The following NRG3 variants were observed in gnomAD, a reference collection of about 807,000 sequenced individuals.
NRG3 encodes the protein pro-neuregulin-3, membrane-bound isoform.
A neutral mutation model predicts 66.9 loss-of-function variants in NRG3; 31 were observed. That is an observed-to-expected ratio of 0.46 (90% confidence interval 0.35 to 0.63). The LOEUF is 0.63. Ranked by LOEUF, NRG3 falls within the 20% of genes least tolerant of loss-of-function variation. The probability of loss-of-function intolerance (pLI) is 0.00; values close to 1 mark genes in which losing one functional copy is unlikely to be tolerated. For missense variants in NRG3, 910 were observed against 878.9 expected (o/e 1.04, Z -0.45); for synonymous variants, 393 against 359.4 (o/e 1.09, Z -1.06).
chr10:82,929,263 G>A (rs761965081), intron 4 of NRG3, among the ~76,000 whole-genome samples: 4 of 152,084 alleles, frequency 2.6e-5, no homozygotes, highest in Non-Finnish European at 4.4e-5. Flanking sequence ...AATATCTTCT[G>A]CTTTGACAAC....
chr10:82,080,012 G>T (rs528019585), intron 1 of NRG3, among the ~76,000 whole-genome samples: 50 of 152,144 alleles, frequency 3.3e-4, no homozygotes, highest in Non-Finnish European at 6.8e-4. Context: ...AGAAAAATCT[G>T]CATGCCTTTT....
intron 2 of NRG3, among the ~76,000 whole-genome samples, chr10:82,702,142 C>T (rs2055929858): frequency 6.6e-6 from 1 of 152,160 alleles, no homozygotes; most frequent in Non-Finnish European, 1.5e-5. Flanking sequence ...ACACGATTGC[C>T]AGGCTGTGAT....
At chr10:82,929,373 C>T (rs4933858) in intron 4 of NRG3, among the ~76,000 whole-genome samples, 57,146 of 151,988 alleles carry the variant, frequency 0.38, 11,180 homozygotes, top group East Asian at 0.63. Context: ...ATGCAAGTAC[C>T]GTTTTACCTT....
chr10:81,985,228 G>C (rs914929980), intron 1 of NRG3, among the ~76,000 whole-genome samples: 5 of 152,162 alleles, frequency 3.3e-5, no homozygotes, highest in African/African-American at 1.2e-4. Context: ...AATACAACTA[G>C]GAAGGGATTT....
At chr10:82,898,490 C>T (rs1843876136) in intron 4 of NRG3, among the ~76,000 whole-genome samples, 1 of 152,074 alleles carries the variant, frequency 6.6e-6, no homozygotes, top group Non-Finnish European at 1.5e-5. Context: ...TCTGACTACA[C>T]AAAAGTAGAT....
intron 1 of NRG3, among the ~76,000 whole-genome samples, chr10:82,026,038 T>A (rs2062286863): frequency 6.6e-6 from 1 of 151,954 alleles, no homozygotes; most frequent in Admixed American, 6.6e-5. Context: ...TTCCAGAAAA[T>A]AATCAAGCCC....
chr10:82,768,941 G>A (rs968492033), intron 3 of NRG3, among the ~76,000 whole-genome samples: 1 of 151,950 alleles, frequency 6.6e-6, no homozygotes, highest in African/African-American at 2.4e-5. Flanking sequence ...TGTTATATGT[G>A]TTCTCTTTCT....
chr10:82,094,867 A>G (rs2066236894), intron 1 of NRG3, among the ~76,000 whole-genome samples: 3 of 152,164 alleles, frequency 2.0e-5, no homozygotes, highest in Non-Finnish European at 4.4e-5. Flanking sequence ...GTATGGAATA[A>G]TAGACACTGG....
At chr10:82,489,977 G>T (rs1187409447) in intron 2 of NRG3, among the ~76,000 whole-genome samples, 1 of 152,132 alleles carries the variant, frequency 6.6e-6, no homozygotes, top group African/African-American at 2.4e-5. Flanking sequence ...GAAAGATAGG[G>T]AAGCCAAGGC....
chr10:82,248,488 C>G (rs940418924), intron 1 of NRG3, among the ~76,000 whole-genome samples: 6 of 152,146 alleles, frequency 3.9e-5, no homozygotes, highest in African/African-American at 1.4e-4. Flanking sequence ...TGGTCCATGA[C>G]CTCTCCCTGC....
chr10:82,584,759 G>C (rs751267377), intron 2 of NRG3, among the ~76,000 whole-genome samples: 1 of 152,104 alleles, frequency 6.6e-6, no homozygotes, highest in Non-Finnish European at 1.5e-5. Context: ...GCAGATATAA[G>C]CATGATGCTT....
At chr10:81,964,395 CAAAAAAAAAAAAA>C (rs58231167) in intron 1 of NRG3, among the ~76,000 whole-genome samples, 1 of 65,848 alleles carries the variant, frequency 1.5e-5, no homozygotes, top group African/African-American at 5.1e-5. Context: ...GACTCTGTCT[CAAAAAAAAAAAAA>C]AAAAAAAAAA....
intron 4 of NRG3, among the ~76,000 whole-genome samples, chr10:82,902,733 A>G (rs1270123124): frequency 1.3e-5 from 2 of 152,128 alleles, no homozygotes; most frequent in Non-Finnish European, 2.9e-5. Flanking sequence ...ATCTGTATAC[A>G]CATGTATAGT....
At chr10:82,520,472 G>C (rs532999483) in intron 2 of NRG3, among the ~76,000 whole-genome samples, 1 of 151,736 alleles carries the variant, frequency 6.6e-6, no homozygotes, top group African/African-American at 2.4e-5. Flanking sequence ...TTCGTAGGAG[G>C]GTAAAAAGAT....
intron 2 of NRG3, among the ~76,000 whole-genome samples, chr10:82,592,176 A>G (rs529109784): frequency 6.6e-6 from 1 of 152,324 alleles, no homozygotes; most frequent in East Asian, 1.9e-4. Context: ...TTTCTCCCTA[A>G]TATAGTTCAG....
intron 1 of NRG3, among the ~76,000 whole-genome samples, chr10:82,228,408 G>A (rs2076275808): frequency 6.6e-6 from 1 of 152,082 alleles, no homozygotes. Context: ...TCACATTGTG[G>A]TCATGTTTTT....
intron 2 of NRG3, among the ~76,000 whole-genome samples, chr10:82,558,577 G>A (rs898140507): frequency 5.3e-5 from 8 of 151,564 alleles, no homozygotes; most frequent in African/African-American, 1.9e-4. Context: ...ACTGAAATAT[G>A]GTAATTGCAG....
intron 2 of NRG3, among the ~76,000 whole-genome samples, chr10:82,498,604 A>G (rs1186225544): frequency 6.6e-6 from 1 of 152,144 alleles, no homozygotes; most frequent in Non-Finnish European, 1.5e-5. Context: ...TGGGAGGCAG[A>G]CCTATGGGAT....
intron 2 of NRG3, among the ~76,000 whole-genome samples, chr10:82,737,975 A>G (rs1225485202): frequency 6.6e-6 from 1 of 152,278 alleles, no homozygotes; most frequent in African/African-American, 2.4e-5. Flanking sequence ...AGAGAGAGAA[A>G]AAATCTGAGT....
Sources: allele counts gnomAD v4.1 joint callset (sites outside exome capture counted in the v4.1 genomes callset), GRCh38; gene constraint gnomAD v4.1.1; transcripts MANE v1.5; gene names NCBI Gene and HGNC (gene_info 2026-07-23, HGNC 2026-07-21).